NEBL: variants seen among roughly 807,000 people sequenced by gnomAD.
NEBL encodes nebulette.
Under a neutral mutation model 140.2 loss-of-function variants are expected in NEBL, and 122 were observed. The ratio of observed to expected loss-of-function variants is 0.87; its 90% CI spans 0.75 to 1.01. The LOEUF (loss-of-function observed/expected upper bound fraction) is 1.01. Among genes scored for constraint, NEBL ranks in the 50% least tolerant of loss-of-function variants. The pLI is 0.00. For synonymous variants in NEBL, 436 were observed against 398.9 expected (o/e 1.09, Z -1.11); for missense variants, 1,365 against 1,231.3 (o/e 1.11, Z -1.62).
intron 2 of NEBL, among the ~76,000 whole-genome samples, chr10:21,053,683 C>G (rs1000488895): frequency 2.6e-5 from 4 of 152,054 alleles, no homozygotes; most frequent in African/African-American, 9.7e-5. Context: ...TGGCCTGAAA[C>G]TTGAGCTAAA....
intron 2 of NEBL, among the ~76,000 whole-genome samples, chr10:21,150,526 A>C (rs1840096082): frequency 6.6e-6 from 1 of 152,232 alleles, no homozygotes; most frequent in South Asian, 2.1e-4. Flanking sequence ...AGAACATACA[A>C]TATATCTCCA....
In NEBL at chr10:20,828,236, A is replaced by C. The variant is rs1588706363; in HGVS notation, c.1776+294T>G. 2.0e-5 allele frequency among the ~76,000 whole-genome samples: 3 copies of C among 152,320 alleles called. No homozygotes were observed. The South Asian group carries it at 6.2e-4, about 32-fold the overall frequency. ...TTCATATGACTATTTTCACCTTCAA[A>C]GTAAAATCTGTGTAGAAGACAGACT... On this transcript the variant is annotated intron_variant, in intron 17 of 27. Coordinates refer to ENST00000377122, the MANE Select transcript of NEBL (RefSeq NM_006393.3).
At chr10:21,083,398 C>T (rs1181600953) in intron 2 of NEBL, among the ~76,000 whole-genome samples, 1 of 152,174 alleles carries the variant, frequency 6.6e-6, no homozygotes, top group African/African-American at 2.4e-5. Flanking sequence ...AGCACCCCAC[C>T]TCCTTGTAGC....
chr10:21,051,293 A>T (rs142027786), intron 2 of NEBL, among the ~76,000 whole-genome samples: 2,343 of 152,320 alleles, frequency 0.015, 30 homozygotes, highest in Non-Finnish European at 0.024. Context: ...TGATTTAAAA[A>T]ACAAATGCAT....
intron 1 of NEBL, among the ~76,000 whole-genome samples, chr10:21,255,495 T>A (rs1239912240): frequency 6.6e-6 from 1 of 152,230 alleles, no homozygotes; most frequent in Non-Finnish European, 1.5e-5. Context: ...GATTTAAATT[T>A]AAATTCATTA....
chr10:21,057,724 A>AT (rs1835093124), intron 2 of NEBL, among the ~76,000 whole-genome samples: 1 of 142,364 alleles, frequency 7.0e-6, no homozygotes, highest in African/African-American at 2.6e-5. Flanking sequence ...TTATTTTTGT[A>AT]TTTTTTGTAT....
intron 2 of NEBL, among the ~76,000 whole-genome samples, chr10:20,892,846 C>T (rs1847142412): frequency 6.6e-6 from 1 of 152,182 alleles, no homozygotes. Context: ...TCTGGAAAGG[C>T]TCTTCACAAG....
At position 21,254,255 on chromosome 10, in the gene NEBL, A is replaced by C. The variant is rs1842627006; in HGVS notation, n.183-2427T>G. 2.6e-5 allele frequency among the ~76,000 whole-genome samples: 4 copies of C among 152,054 alleles called. No individual in the cohort carries two copies. The South Asian group carries it at 8.3e-4, about 32-fold the overall frequency. On this transcript the variant is annotated intron_variant and non_coding_transcript_variant, in intron 1 of 8. Transcript: ENST00000675702. ...TGGGCTCAAGTGATCCTCCCATCTC[A>C]GCCTTCCAAATAGCTGGGGCTACAG...
At chr10:21,200,719 C>A (rs1360521593) in intron 3 of NEBL, among the ~76,000 whole-genome samples, 1 of 152,084 alleles carries the variant, frequency 6.6e-6, no homozygotes, top group African/African-American at 2.4e-5. Context: ...AGAGCAGAGG[C>A]GAGCTGTGGT....
chr10:20,808,208 T>C (rs535218319), intron 26 of NEBL, among the ~76,000 whole-genome samples: 3 of 152,228 alleles, frequency 2.0e-5, no homozygotes, highest in African/African-American at 7.2e-5. Flanking sequence ...TGTATATTTA[T>C]CACATATAAC....
chr10:21,257,229 A>T (rs1842669838), intron 1 of NEBL, among the ~76,000 whole-genome samples: 3 of 152,202 alleles, frequency 2.0e-5, no homozygotes, highest in Non-Finnish European at 4.4e-5. Flanking sequence ...ACCATCAAGC[A>T]TTGTTTTCAG....
rs150449588 is a variant in NEBL, at chr10:20,999,269, C to G, written c.249+20848G>C. 5.6e-4 allele frequency among the ~76,000 whole-genome samples: 85 copies of G among 152,148 alleles called. 1 individual carries two copies. Among genetic ancestry groups the G allele is most frequent in the Admixed American group, 5.2e-4 (8 of 15,286 alleles). On this transcript the variant is annotated intron_variant, in intron 3 of 6. Coordinates refer to the NEBL transcript ENST00000417816. ...ATTGCCCAATTATGTGTGAGAAGAC[C>G]TGCAGTGATGCTATATTCTCCCAGC...
intron 4 of NEBL, among the ~76,000 whole-genome samples, chr10:20,903,442 C>T (rs555853394): frequency 6.6e-6 from 1 of 152,190 alleles, no homozygotes; most frequent in Non-Finnish European, 1.5e-5. Context: ...AAAACCTCTA[C>T]GGGAGACAAT....
intron 2 of NEBL, among the ~76,000 whole-genome samples, chr10:21,136,011 T>G (rs1839340082): frequency 6.6e-6 from 1 of 152,186 alleles, no homozygotes; most frequent in South Asian, 2.1e-4. Flanking sequence ...AGGAAGCCCT[T>G]CTTCAATTCA....
At chr10:21,039,697 A>C (rs1189871554) in intron 2 of NEBL, among the ~76,000 whole-genome samples, 1 of 152,246 alleles carries the variant, frequency 6.6e-6, no homozygotes, top group Non-Finnish European at 1.5e-5. Context: ...AGCTCAGTAC[A>C]TGCCCAGATG....
intron 1 of NEBL, among the ~76,000 whole-genome samples, chr10:21,282,094 AG>A (rs1218143664): frequency 1.3e-5 from 2 of 152,108 alleles, no homozygotes; most frequent in African/African-American, 2.4e-5. Flanking sequence ...AGACTTTTGA[AG>A]GGAGAGGTTG....
chr10:21,238,716 TAAAAAAAAAAAAAA>T (rs35732687), intron 3 of NEBL, among the ~76,000 whole-genome samples: 1 of 94,486 alleles, frequency 1.1e-5, no homozygotes, highest in African/African-American at 3.7e-5. Flanking sequence ...TCAAAAAAAT[TAAAAAAAAAAAAAA>T]AAAAAAAAAA....
At chr10:21,234,395 C>T (rs1034047481) in intron 3 of NEBL, among the ~76,000 whole-genome samples, 2 of 152,064 alleles carry the variant, frequency 1.3e-5, no homozygotes, top group African/African-American at 4.8e-5. Flanking sequence ...CTCTCTCATG[C>T]ACCCTCTCTC....
At chr10:21,059,742 C>T (rs1835192685) in intron 2 of NEBL, among the ~76,000 whole-genome samples, 1 of 152,102 alleles carries the variant, frequency 6.6e-6, no homozygotes, top group South Asian at 2.1e-4. Flanking sequence ...AAATTAAAAT[C>T]AACTTTAATT....
Sources: allele counts gnomAD v4.1 joint callset (sites outside exome capture counted in the v4.1 genomes callset), GRCh38; gene constraint gnomAD v4.1.1; transcripts MANE v1.5; gene names NCBI Gene and HGNC (gene_info 2026-07-23, HGNC 2026-07-21).